Variants in WWOX observed in about 807,000 individuals in gnomAD.
WWOX encodes the protein WW domain containing oxidoreductase.
In WWOX, 69 loss-of-function variants were observed where a neutral mutation model predicts 46.2. The ratio of observed to expected loss-of-function variants is 1.49; its 90% CI spans 1.23 to 1.82. The LOEUF is 1.82. WWOX is among the 40% of genes most tolerant of loss of function. The pLI is 0.00. For missense variants in WWOX, 919 were observed against 542.6 expected, an observed-to-expected ratio of 1.69 and a Z score of -6.89; for synonymous variants, 359 against 202.6, an observed-to-expected ratio of 1.77 and a Z score of -6.56.
intron 8 of WWOX, among the ~76,000 whole-genome samples, chr16:78,952,968 C>T (rs912631703): frequency 1.3e-5 from 2 of 151,844 alleles, no homozygotes; most frequent in African/African-American, 2.4e-5. Context: ...TCAGCAAAAC[C>T]ACACAATGCT....
intron 7 of WWOX, among the ~76,000 whole-genome samples, chr16:78,427,098 G>C (rs4073035): frequency 0.13 from 20,468 of 152,126 alleles, 1,752 homozygotes; most frequent in African/African-American, 0.23. Flanking sequence ...CGTGAAGACA[G>C]TTGCTCACTA....
At chr16:78,418,394 A>C (rs192151072) in intron 6 of WWOX, among the ~76,000 whole-genome samples, 1 of 152,026 alleles carries the variant, frequency 6.6e-6, no homozygotes, top group East Asian at 1.9e-4. Context: ...AATTAATATC[A>C]ATTTTCCACA....
At chr16:78,113,732 C>A (rs549544188) in intron 3 of WWOX, among the ~76,000 whole-genome samples, 1 of 152,198 alleles carries the variant, frequency 6.6e-6, no homozygotes, top group Non-Finnish European at 1.5e-5. Flanking sequence ...GAGATAGTCA[C>A]GTTTGGCTCT....
chr16:78,251,667 G>C (rs539760272), intron 5 of WWOX, among the ~76,000 whole-genome samples: 40 of 152,168 alleles, frequency 2.6e-4, no homozygotes, highest in Middle Eastern at 3.4e-3. Flanking sequence ...GCTGAACCCC[G>C]ATGCTTTGGG....
intron 8 of WWOX, among the ~76,000 whole-genome samples, chr16:78,605,356 G>A (rs530301482): frequency 6.7e-6 from 1 of 150,104 alleles, no homozygotes; most frequent in Admixed American, 6.6e-5. Context: ...GACTTCTTAA[G>A]TCCTTAAAAA....
chr16:78,929,119 G>C (rs943195070), intron 8 of WWOX, among the ~76,000 whole-genome samples: 2 of 152,078 alleles, frequency 1.3e-5, no homozygotes, highest in Non-Finnish European at 2.9e-5. Flanking sequence ...TGTATTTAAC[G>C]CTCTCTCAAG....
At chr16:78,335,829 C>A (rs773897034) in intron 5 of WWOX, among the ~76,000 whole-genome samples, 36 of 152,148 alleles carry the variant, frequency 2.4e-4, no homozygotes, top group Non-Finnish European at 4.9e-4. Flanking sequence ...TGATGACTCA[C>A]ATTTGTAATC....
At chr16:78,577,506 G>T (rs1369059078) in intron 8 of WWOX, among the ~76,000 whole-genome samples, 1 of 152,084 alleles carries the variant, frequency 6.6e-6, no homozygotes, top group Non-Finnish European at 1.5e-5. Context: ...TGCAGCCCTG[G>T]GTATGATGCC....
intron 8 of WWOX, among the ~76,000 whole-genome samples, chr16:78,899,953 C>G (rs1287674750): frequency 6.6e-6 from 1 of 151,374 alleles, no homozygotes; most frequent in Non-Finnish European, 1.5e-5. Context: ...ACCCTTGGTA[C>G]TAATTAAGCC....
At position 78,950,671 on chromosome 16, in the gene WWOX, C is replaced by T. The variant is rs1311547890; in HGVS notation, c.1057-260937C>T. ...GAATTTTGAGGTGGAATCCTTTTTC[C>T]TTGGGTCAGTACTTTCTGCAAGCTT... On this transcript the variant is annotated intron_variant, in intron 8 of 8. Transcript: ENST00000566780. 5.9e-5 allele frequency among the ~76,000 whole-genome samples: 9 copies of T among 151,900 alleles called. No homozygotes were observed. In the East Asian group the frequency reaches 1.5e-3, roughly 26 times the overall value.
At chr16:78,744,380 G>T (rs115842624) in intron 8 of WWOX, among the ~76,000 whole-genome samples, 2 of 149,202 alleles carry the variant, frequency 1.3e-5, no homozygotes, top group Admixed American at 1.3e-4. Context: ...TGCAGAAGAC[G>T]CTTGAAGGGG....
intron 8 of WWOX, among the ~76,000 whole-genome samples, chr16:78,535,852 A>G (rs1287000838): frequency 6.6e-6 from 1 of 152,178 alleles, no homozygotes; most frequent in Non-Finnish European, 1.5e-5. Context: ...GGTATGACCT[A>G]GAGCAAGGGG....
chr16:78,108,721 C>G (rs139899702), intron 2 of WWOX, among the ~76,000 whole-genome samples: 2 of 152,210 alleles, frequency 1.3e-5, no homozygotes, highest in Admixed American at 6.5e-5. Context: ...GATGTGGTGG[C>G]TCATGCCTGT....
intron 8 of WWOX, among the ~76,000 whole-genome samples, chr16:78,959,602 G>T (rs2046234761): frequency 6.6e-6 from 1 of 152,028 alleles, no homozygotes; most frequent in African/African-American, 2.4e-5. Flanking sequence ...CCGTAGTATT[G>T]ACTCTCAGTG....
intron 8 of WWOX, among the ~76,000 whole-genome samples, chr16:78,920,049 C>T (rs141878437): frequency 3.3e-4 from 50 of 152,196 alleles, no homozygotes; most frequent in East Asian, 1.9e-3. Flanking sequence ...CTAGGTTTGC[C>T]GCAGTAACAA....
chr16:78,809,894 C>G (rs1304108226), intron 8 of WWOX, among the ~76,000 whole-genome samples: 2 of 152,168 alleles, frequency 1.3e-5, no homozygotes, highest in Non-Finnish European at 2.9e-5. Flanking sequence ...TTTCCCTCCT[C>G]CCGTGGGTTA....
intron 8 of WWOX, among the ~76,000 whole-genome samples, chr16:78,808,301 A>AC (rs1280014891): frequency 6.6e-5 from 10 of 152,350 alleles, no homozygotes; most frequent in African/African-American, 2.4e-4. Context: ...CAACCCAGGA[A>AC]CAACTACTGT....
intron 2 of WWOX, 116 bp downstream of exon 2, chr16:78,108,603 C>G (rs777099912): frequency 2.2e-5 from 25 of 1,114,042 alleles, no homozygotes; most frequent in Non-Finnish European, 3.1e-5. Flanking sequence ...TGGTAGAGAA[C>G]CAGACTCCCA....
intron 8 of WWOX, among the ~76,000 whole-genome samples, chr16:78,699,635 T>G (rs1004928604): frequency 3.9e-5 from 6 of 152,210 alleles, no homozygotes; most frequent in African/African-American, 1.4e-4. Flanking sequence ...AATCAATGAT[T>G]ATCAATGCTT....
Sources: gnomAD v4.1 joint callset for allele counts (sites outside exome capture counted in the v4.1 genomes callset) on GRCh38, gnomAD v4.1.1 for gene constraint, MANE v1.5 for transcripts, NCBI Gene and HGNC (gene_info 2026-07-23, HGNC 2026-07-21) for gene names.